The following DIAPH3 variants were observed in gnomAD, a reference collection of about 807,000 sequenced individuals.
The protein encoded by DIAPH3 is protein diaphanous homolog 3.
DIAPH3 carries 117 observed loss-of-function variants against 144.3 expected under a neutral mutation model. That is an observed-to-expected ratio of 0.81 (90% CI 0.70 to 0.95). The LOEUF (loss-of-function observed/expected upper bound fraction) is 0.95, where lower values mean the gene tolerates loss of function less well. Among genes scored for constraint, DIAPH3 ranks in the 40% least tolerant of loss-of-function variants. The pLI, the probability that DIAPH3 is intolerant of heterozygous loss-of-function variation, is 0.00. For synonymous variants in DIAPH3, 519 were observed against 488.9 expected (o/e 1.06, Z -0.81); for missense variants, 1,421 against 1,412.7 (o/e 1.01, Z -0.09).
At chr13:59,716,850 A>G (rs182186056) in intron 27 of DIAPH3, among the ~76,000 whole-genome samples, 24 of 152,314 alleles carry the variant, frequency 1.6e-4, no homozygotes, top group Admixed American at 1.5e-3. Flanking sequence ...AAATGAGATT[A>G]TCTATCAACA....
At chr13:60,152,750 G>A (rs1010801718) in intron 1 of DIAPH3, among the ~76,000 whole-genome samples, 8 of 151,666 alleles carry the variant, frequency 5.3e-5, no homozygotes, top group Non-Finnish European at 5.9e-5. Context: ...TTTAAAGATT[G>A]CAAGTTTCTT....
chr13:59,842,545 A>G (rs973961235), intron 22 of DIAPH3, among the ~76,000 whole-genome samples: 1 of 152,060 alleles, frequency 6.6e-6, no homozygotes. Flanking sequence ...AAATCCTTCA[A>G]TTCCGATACT....
rs1292968257 is a variant in DIAPH3, at chr13:59,716,505, AAAG to A, written c.3320-49662_3320-49660del. Among the ~76,000 whole-genome samples, 9 of 152,302 alleles carry A rather than the reference AAAG, an allele frequency of 5.9e-5. No homozygotes were observed. In the East Asian group the frequency reaches 1.4e-3, roughly 23 times the overall value. ...AAACATTTTTAAAAAAAGAGATAACAAAGAAGAAGTATCAGCAACAAAAATACA... is the reference window on the plus strand; with the variant it reads ...AAACATTTTTAAAAAAAGAGATAACAAAGAAGTATCAGCAACAAAAATACA... On this transcript the variant is annotated intron_variant, in intron 27 of 27. Transcript: ENST00000400324.
chr13:60,008,534 C>T lies in DIAPH3; in HGVS notation c.1014+10G>A, dbSNP rs754211617. 1 of 1,595,030 alleles carries T rather than the reference C, an allele frequency of 6.3e-7. No homozygotes were observed. Among genetic ancestry groups the T allele is most frequent in the Non-Finnish European group, 8.6e-7 (1 of 1,163,938 alleles). On this transcript the variant is annotated intron_variant, in intron 9 of 27. Transcript: ENST00000400324. Reference sequence around the variant, plus strand: ...TTTAAAAACAGATTTTATATACACACAAAACTTACTTGCAGTTGAACTGAA... The same window carrying T: ...TTTAAAAACAGATTTTATATACACATAAAACTTACTTGCAGTTGAACTGAA...
In DIAPH3 at chr13:59,852,014, C is replaced by T. The variant is rs1316172302; in HGVS notation, c.2737+9393G>A. ...CTAATACAAGTGCCTAGCACAATGC[C>T]TACCAAACAGGAGTTCAATAAGCTG... On this transcript the variant is annotated intron_variant, in intron 22 of 27. Transcript: ENST00000400324. Among the ~76,000 whole-genome samples, 4 of 152,290 alleles carry T rather than the reference C, an allele frequency of 2.6e-5. No individual in the cohort carries two copies. In the East Asian group the frequency reaches 5.8e-4, roughly 22 times the overall value.
In DIAPH3 at chr13:59,793,519, T is replaced by C. The variant is rs115347718; in HGVS notation, c.3163+17269A>G. Among the ~76,000 whole-genome samples the C allele has an allele frequency of 5.5e-3, 845 of 152,298 alleles. 4 individuals are homozygous for C. The highest frequency in any genetic ancestry group is 0.024 in the Middle Eastern group (7 of 294). Reference sequence around the variant, plus strand: ...TACATGATTCTTTAGCAGTATTTGATTGTGTTGACTACCCATTCCTTTTTG... The same window carrying C: ...TACATGATTCTTTAGCAGTATTTGACTGTGTTGACTACCCATTCCTTTTTG... On this transcript the variant is annotated intron_variant, in intron 25 of 27. Coordinates refer to ENST00000400324, the MANE Select transcript of DIAPH3 (RefSeq NM_001042517.2).
intron 4 of DIAPH3, among the ~76,000 whole-genome samples, chr13:60,054,337 A>G (rs2056475925): frequency 6.6e-6 from 1 of 152,090 alleles, no homozygotes; most frequent in African/African-American, 2.4e-5. Context: ...CATAACATTT[A>G]CTTTGTAATT....
chr13:59,930,799 G>A (rs1321721042), intron 17 of DIAPH3, among the ~76,000 whole-genome samples: 1 of 152,082 alleles, frequency 6.6e-6, no homozygotes, highest in Non-Finnish European at 1.5e-5. Flanking sequence ...ACAATAGAAG[G>A]GCAAGACTGA....
intron 2 of DIAPH3, among the ~76,000 whole-genome samples, chr13:60,122,346 C>T (rs987115493): frequency 6.6e-6 from 1 of 152,140 alleles, no homozygotes; most frequent in Non-Finnish European, 1.5e-5. Flanking sequence ...CATGTAAGAG[C>T]CCATTTTGAT....
chr13:59,829,658 A>C (rs2041670867), intron 24 of DIAPH3, among the ~76,000 whole-genome samples: 1 of 151,962 alleles, frequency 6.6e-6, no homozygotes, highest in Non-Finnish European at 1.5e-5. Flanking sequence ...ATTATATGCC[A>C]TGAATTGCAC....
chr13:59,891,459 AAC>A (rs937039407), intron 20 of DIAPH3, among the ~76,000 whole-genome samples: 14 of 151,552 alleles, frequency 9.2e-5, no homozygotes, highest in South Asian at 2.1e-4. Context: ...AAAAAAAAAA[AAC>A]AATCTACAAT....
intron 27 of DIAPH3, among the ~76,000 whole-genome samples, chr13:59,692,168 A>G (rs1266402481): frequency 6.9e-6 from 1 of 145,814 alleles, no homozygotes; most frequent in Non-Finnish European, 1.5e-5. Flanking sequence ...TTTTTTTAGA[A>G]AAGAATACAA....
intron 17 of DIAPH3, among the ~76,000 whole-genome samples, chr13:59,935,832 A>G (rs191539004): frequency 1.2e-4 from 19 of 152,324 alleles, no homozygotes; most frequent in Non-Finnish European, 2.4e-4. Flanking sequence ...TACTAGCAAA[A>G]AGAAGTCTGT....
At chr13:60,062,361 C>A (rs1484363534) in intron 4 of DIAPH3, among the ~76,000 whole-genome samples, 1 of 152,102 alleles carries the variant, frequency 6.6e-6, no homozygotes, top group Admixed American at 6.6e-5. Flanking sequence ...ATGAACAAAA[C>A]CTGCAAAATT....
intron 24 of DIAPH3, among the ~76,000 whole-genome samples, chr13:59,826,286 C>A: frequency 1.5e-5 from 1 of 66,606 alleles, no homozygotes; most frequent in Non-Finnish European, 3.4e-5. Context: ...AAAACCCCAT[C>A]GTCTCAACCC....
chr13:60,034,651 G>C (rs1393142378), intron 5 of DIAPH3: 1 of 152,094 alleles, frequency 6.6e-6, no homozygotes, highest in Admixed American at 6.5e-5. Flanking sequence ...AACTTAGTGT[G>C]GACACCTGAT....
intron 27 of DIAPH3, among the ~76,000 whole-genome samples, chr13:59,738,567 C>T (rs972698044): frequency 3.9e-5 from 6 of 152,210 alleles, no homozygotes; most frequent in East Asian, 3.9e-4. Flanking sequence ...CCCACCAAGA[C>T]GGATTTACCC....
chr13:59,819,122 C>G (rs565460517), intron 24 of DIAPH3, among the ~76,000 whole-genome samples: 1 of 151,792 alleles, frequency 6.6e-6, no homozygotes, highest in Admixed American at 6.6e-5. Context: ...TCTTGAGGAC[C>G]TAAATTGTAA....
At chr13:59,696,740 G>T (rs2033822455) in intron 27 of DIAPH3, among the ~76,000 whole-genome samples, 1 of 152,050 alleles carries the variant, frequency 6.6e-6, no homozygotes, top group South Asian at 2.1e-4. Context: ...ATGCTAAATT[G>T]AATTTTCTAT....
Sources: allele counts gnomAD v4.1 joint callset (sites outside exome capture counted in the v4.1 genomes callset), GRCh38; gene constraint gnomAD v4.1.1; transcripts MANE v1.5; gene names NCBI Gene and HGNC (gene_info 2026-07-23, HGNC 2026-07-21).